The following RPS6KC1 variants were observed in gnomAD, a reference collection of about 807,000 sequenced individuals.
The protein encoded by RPS6KC1 is inactive ribosomal protein S6 kinase delta-1.
RPS6KC1 carries 54 observed loss-of-function variants against 103.8 expected under a neutral mutation model. That is an observed-to-expected ratio of 0.52 (90% CI 0.42 to 0.65). The LOEUF is 0.65. Among genes scored for constraint, RPS6KC1 ranks in the 30% least tolerant of loss-of-function variants. The pLI is 0.00. For missense variants in RPS6KC1, 1,151 were observed against 1,253.8 expected, an observed-to-expected ratio of 0.92 and a Z score of 1.24; for synonymous variants, 439 against 438.7, an observed-to-expected ratio of 1.00 and a Z score of -0.01.
chr1:213,570,563 C>T, the RPS6KC1 span, among the ~76,000 whole-genome samples: 3 of 151,558 alleles, frequency 2.0e-5, no homozygotes, highest in East Asian at 3.9e-4. Flanking sequence ...ATGCCCCCTA[C>T]GAAACACTTC....
chr1:213,388,709 C>T, the RPS6KC1 span, among the ~76,000 whole-genome samples: 1 of 152,132 alleles, frequency 6.6e-6, no homozygotes, highest in Non-Finnish European at 1.5e-5. Context: ...AGGCAAGGTA[C>T]AGTCACAGGG....
At chr1:213,839,736 A>G in the RPS6KC1 span, 1 of 152,104 alleles carries the variant, frequency 6.6e-6, no homozygotes, top group South Asian at 2.1e-4. Flanking sequence ...CTGTCCACTT[A>G]CTGCCTGTGT....
At chr1:213,333,680 A>G in the RPS6KC1 span, among the ~76,000 whole-genome samples, 1 of 152,014 alleles carries the variant, frequency 6.6e-6, no homozygotes, top group Non-Finnish European at 1.5e-5. Flanking sequence ...ATTTTTTGAG[A>G]TGGAATCTCG....
At chr1:213,712,039 G>C in the RPS6KC1 span, among the ~76,000 whole-genome samples, 3 of 152,326 alleles carry the variant, frequency 2.0e-5, no homozygotes, top group East Asian at 3.9e-4. Context: ...GAGCTCAAGC[G>C]CTGTGCCGGT....
At chr1:213,754,388 G>A in the RPS6KC1 span, among the ~76,000 whole-genome samples, 2 of 152,174 alleles carry the variant, frequency 1.3e-5, no homozygotes, top group African/African-American at 2.4e-5. Context: ...TTGGATCTGT[G>A]TACCCACCAA....
the RPS6KC1 span, among the ~76,000 whole-genome samples, chr1:213,598,253 A>G: frequency 7.2e-5 from 11 of 152,352 alleles, no homozygotes; most frequent in African/African-American, 2.6e-4. Flanking sequence ...CCAACAGCAC[A>G]TAAGTAGGAA....
chr1:213,209,113 C>T (rs1052622123), intron 8 of RPS6KC1, among the ~76,000 whole-genome samples: 2 of 152,012 alleles, frequency 1.3e-5, no homozygotes, highest in Admixed American at 6.6e-5. Flanking sequence ...GGGATACAAA[C>T]GCATCACATT....
chr1:213,471,463 C>T, the RPS6KC1 span, among the ~76,000 whole-genome samples: 1 of 152,102 alleles, frequency 6.6e-6, no homozygotes. Context: ...GAACCAGTAG[C>T]CAGTTGGGGT....
At chr1:213,051,632 TA>T in intron 1 of RPS6KC1, 123 bp downstream of exon 1, 1 of 677,122 alleles carries the variant, frequency 1.5e-6, no homozygotes. Context: ...GTGCTGCTCC[TA>T]CTGGCGGGAC....
rs558312701 is a variant in RPS6KC1, at chr1:213,103,824, A to G, written c.263-630A>G. ...TTGAAAATGTCTTATCAGCATTCAA[A>G]TTTTATGTATCATTTAAAAATTCTA... On this transcript the variant is annotated intron_variant, in intron 3 of 14. Transcript: ENST00000366960. Among the ~76,000 whole-genome samples the G allele has an allele frequency of 9.8e-5, 15 of 152,348 alleles. No individual in the cohort carries two copies. The South Asian group carries it at 2.7e-3, about 27-fold the overall frequency.
At chr1:213,150,601 C>T (rs1269535288) in intron 6 of RPS6KC1, among the ~76,000 whole-genome samples, 6 of 151,398 alleles carry the variant, frequency 4.0e-5, no homozygotes, top group African/African-American at 1.5e-4. Flanking sequence ...GTGGACACAG[C>T]ACATGTTTCA....
the RPS6KC1 span, among the ~76,000 whole-genome samples, chr1:213,284,682 A>G: frequency 6.6e-6 from 1 of 152,176 alleles, no homozygotes; most frequent in Non-Finnish European, 1.5e-5. Flanking sequence ...AAGAAAACCA[A>G]TGCAAGGGAA....
chr1:213,780,585 G>T, the RPS6KC1 span, among the ~76,000 whole-genome samples: 1 of 152,320 alleles, frequency 6.6e-6, no homozygotes, highest in East Asian at 1.9e-4. Flanking sequence ...AGGCTATTTT[G>T]AGTTTTTGAA....
At chr1:213,308,316 GAAA>G in the RPS6KC1 span, among the ~76,000 whole-genome samples, 9 of 55,848 alleles carry the variant, frequency 1.6e-4, no homozygotes, top group Non-Finnish European at 2.3e-4. Flanking sequence ...CCTGTCTCCA[GAAA>G]AAAAAAAAAA....
the RPS6KC1 span, among the ~76,000 whole-genome samples, chr1:213,536,884 G>A: frequency 4.6e-5 from 7 of 152,152 alleles, no homozygotes; most frequent in African/African-American, 1.4e-4. Flanking sequence ...ATACAGGGGA[G>A]AGCCCAGTGG....
chr1:213,432,148 A>G, the RPS6KC1 span, among the ~76,000 whole-genome samples: 1 of 152,070 alleles, frequency 6.6e-6, no homozygotes, highest in African/African-American at 2.4e-5. Flanking sequence ...GTTGTTCTTT[A>G]TGTTTTCTAG....
At chr1:213,448,069 A>C in the RPS6KC1 span, among the ~76,000 whole-genome samples, 1 of 151,796 alleles carries the variant, frequency 6.6e-6, no homozygotes, top group Admixed American at 6.6e-5. Context: ...TCCCATCTCT[A>C]CAAAAGAAAA....
the RPS6KC1 span, among the ~76,000 whole-genome samples, chr1:213,460,280 A>G: frequency 6.6e-6 from 1 of 152,014 alleles, no homozygotes; most frequent in Non-Finnish European, 1.5e-5. Flanking sequence ...GTGCATATAT[A>G]TTTAGGATAG....
the RPS6KC1 span, among the ~76,000 whole-genome samples, chr1:213,759,448 A>G: frequency 6.6e-6 from 1 of 152,140 alleles, no homozygotes; most frequent in South Asian, 2.1e-4. Context: ...AATTCTTTAT[A>G]TATTTCTGTT....
Sources: gnomAD v4.1 joint callset for allele counts (sites outside exome capture counted in the v4.1 genomes callset) on GRCh38, gnomAD v4.1.1 for gene constraint, MANE v1.5 for transcripts, NCBI Gene and HGNC (gene_info 2026-07-23, HGNC 2026-07-21) for gene names.